AGAP1: variants seen among roughly 807,000 people sequenced by gnomAD.
The protein encoded by AGAP1 is arf-GAP with GTPase, ANK repeat and PH domain-containing protein 1.
AGAP1 carries 29 observed loss-of-function variants against 105.3 expected under a neutral mutation model. The observed-to-expected ratio is 0.28, with a 90% CI of 0.21 to 0.38. The LOEUF is 0.38. Ranked by LOEUF, AGAP1 falls within the 10% of genes least tolerant of loss-of-function variation. The pLI is 1.00. For missense variants in AGAP1, 998 were observed against 1,165.1 expected (o/e 0.86, Z 2.09); for synonymous variants, 509 against 485.9 (o/e 1.05, Z -0.63).
At position 235,700,436 on chromosome 2, in the gene AGAP1, C is replaced by T. The variant is rs1322688925; in HGVS notation, c.164-8743C>T. On this transcript the variant is annotated intron_variant, in intron 1 of 17. Coordinates refer to ENST00000304032, the MANE Select transcript of AGAP1 (RefSeq NM_001037131.3). The surrounding 1 kb of genome is among the most constrained non-coding windows in gnomAD (Gnocchi z 6.1). ...GTGCTTTACACACCCACGACAAGGGCGTTCTTGGGGAACACCGTGATTCTG... is the reference window on the plus strand; with the variant it reads ...GTGCTTTACACACCCACGACAAGGGTGTTCTTGGGGAACACCGTGATTCTG... 1.3e-5 allele frequency among the ~76,000 whole-genome samples: 2 copies of T among 152,142 alleles called. No homozygotes were observed. The highest frequency in any genetic ancestry group is 4.8e-5 in the African/African-American group (2 of 41,422).
At chr2:235,876,469 C>A (rs916448092) in intron 9 of AGAP1, among the ~76,000 whole-genome samples, 35 of 152,186 alleles carry the variant, frequency 2.3e-4, no homozygotes, top group African/African-American at 8.2e-4. Context: ...ATGGCTCCTC[C>A]CCAGCCACCC....
chr2:235,784,813 C>T (rs1252739106), intron 6 of AGAP1, among the ~76,000 whole-genome samples: 1 of 152,020 alleles, frequency 6.6e-6, no homozygotes, highest in Non-Finnish European at 1.5e-5. Flanking sequence ...GCAAAACTTC[C>T]CCAGAGGAAC....
intron 1 of AGAP1, among the ~76,000 whole-genome samples, chr2:235,602,787 C>T (rs570829751): frequency 2.0e-5 from 3 of 152,286 alleles, no homozygotes; most frequent in South Asian, 2.1e-4. Flanking sequence ...CTGCAACCTC[C>T]GCCTCCTGGG....
intron 12 of AGAP1, among the ~76,000 whole-genome samples, chr2:235,946,284 CTTTT>C (rs34759426): frequency 6.1e-5 from 7 of 114,024 alleles, no homozygotes; most frequent in East Asian, 4.8e-4. Flanking sequence ...GCTTTTTTTC[CTTTT>C]TTTTTTTTTT....
chr2:235,954,124 A>C (rs2053849741), intron 12 of AGAP1, among the ~76,000 whole-genome samples: 1 of 150,582 alleles, frequency 6.6e-6, no homozygotes, highest in Non-Finnish European at 1.5e-5. Flanking sequence ...CTGTAATCCC[A>C]GCTACTCGGG....
In AGAP1 at chr2:236,053,895, C is replaced by T. The variant is rs1023944015; in HGVS notation, c.2114+4614C>T. Reference sequence around the variant, plus strand: ...GGGAACCGAGTTTGCTGATTTAGTACGTATTCTTTTCCCTTTTTTAGCATC... The same window carrying T: ...GGGAACCGAGTTTGCTGATTTAGTATGTATTCTTTTCCCTTTTTTAGCATC... On this transcript the variant is annotated intron_variant, in intron 16 of 17. Coordinates refer to ENST00000304032, the MANE Select transcript of AGAP1 (RefSeq NM_001037131.3). This position sits in a 1 kb window ranked among gnomAD's most constrained non-coding sequence, Gnocchi z 4.6. 3.3e-5 allele frequency among the ~76,000 whole-genome samples: 5 copies of T among 152,244 alleles called. No homozygotes were observed. The highest frequency in any genetic ancestry group is 2.1e-4 in the South Asian group (1 of 4,834).
At chr2:235,764,110 G>T (rs575117281) in intron 6 of AGAP1, among the ~76,000 whole-genome samples, 1 of 152,340 alleles carries the variant, frequency 6.6e-6, no homozygotes, top group South Asian at 2.1e-4. Flanking sequence ...TTCCACGGCA[G>T]AAGTGCCATG....
intron 13 of AGAP1, among the ~76,000 whole-genome samples, chr2:236,018,507 CATT>C (rs2056784070): frequency 6.6e-6 from 1 of 152,224 alleles, no homozygotes; most frequent in Non-Finnish European, 1.5e-5. Flanking sequence ...AAACAGATGA[CATT>C]ATCATCCGCT....
At position 235,795,936 on chromosome 2, in the gene AGAP1, G is replaced by A. The variant is rs115606969; in HGVS notation, c.674-1823G>A. ...GCATTTGAAGTTTCATACAACAGTC[G>A]TTTCCATAACATATTTGACTTATCT... On this transcript the variant is annotated intron_variant, in intron 6 of 17. Transcript: ENST00000304032. Among the ~76,000 whole-genome samples, 1,038 of 152,268 alleles carry A rather than the reference G, an allele frequency of 6.8e-3. 16 individuals carry two copies. Among genetic ancestry groups the A allele is most frequent in the African/African-American group, 0.021 (863 of 41,550 alleles).
chr2:236,093,727 A>G (rs561685047), intron 16 of AGAP1, among the ~76,000 whole-genome samples: 3 of 152,254 alleles, frequency 2.0e-5, no homozygotes, highest in Non-Finnish European at 4.4e-5. Flanking sequence ...CCTGCCAGTC[A>G]TAATCATGAA....
chr2:236,047,598 C>CTTT (rs59007077), intron 15 of AGAP1, among the ~76,000 whole-genome samples: 1,330 of 68,302 alleles, frequency 0.019, 177 homozygotes, highest in African/African-American at 0.083. Flanking sequence ...TCTCACATTT[C>CTTT]TTTTTTTTTT....
chr2:235,711,833 C>T (rs1950873071), intron 2 of AGAP1, among the ~76,000 whole-genome samples: 1 of 152,158 alleles, frequency 6.6e-6, no homozygotes, highest in Non-Finnish European at 1.5e-5. Context: ...GGACAGGTGG[C>T]ACTTTAGGTC....
intron 9 of AGAP1, among the ~76,000 whole-genome samples, chr2:235,826,550 A>C (rs1959079125): frequency 1.3e-5 from 2 of 151,992 alleles, no homozygotes; most frequent in South Asian, 4.2e-4. Context: ...CCCAGGTTCA[A>C]GTGATTCTCC....
chr2:236,107,215 G>A lies in AGAP1; in HGVS notation c.2115-12977G>A, dbSNP rs1212996021. Among the ~76,000 whole-genome samples the A allele has an allele frequency of 2.0e-5, 3 of 152,156 alleles. No individual in the cohort carries two copies. In the East Asian group the frequency reaches 5.8e-4, roughly 30 times the overall value. On this transcript the variant is annotated intron_variant, in intron 16 of 17. Coordinates refer to ENST00000304032, the MANE Select transcript of AGAP1 (RefSeq NM_001037131.3). ...GAGGGAAAACTGAAGCCTGGGAGAG[G>A]GTGGCTGCCCAGGGCCCCACAGCCA...
At position 235,702,934 on chromosome 2, in the gene AGAP1, G is replaced by GTTTTTTTTTTTTCTTTTTTTTT. The variant is rs549844265; in HGVS notation, c.164-6233_164-6232insCTTTTTTTTTTTTTTTTTTTTT. On this transcript the variant is annotated intron_variant, in intron 1 of 17. Transcript: ENST00000304032. The stretch of plus-strand genomic sequence containing the variant: ...TGGTCACTGTGAGCCAGTTTTCTTG[G>GTTTTTTTTTTTTCTTTTTTTTT]TTTTTTTTTTTTGGACAGAGTCTGG... 2.2e-5 allele frequency among the ~76,000 whole-genome samples: 2 copies of GTTTTTTTTTTTTCTTTTTTTTT among 88,946 alleles called. 1 individual carries two copies. Among genetic ancestry groups the GTTTTTTTTTTTTCTTTTTTTTT allele is most frequent in the Non-Finnish European group, 4.4e-5 (2 of 45,458 alleles). 58.4% of individuals were successfully genotyped at this position (88,946 alleles called of 152,430 possible).
Position 235,797,893 on chromosome 2 carries a change from T to C in AGAP1, c.801+7T>C, listed in dbSNP as rs1957315345. ...TGCCGTGCACATCAGCCAGGTACGT[T>C]AGGTGACATGAGAAGTCAGACTCTT... is the stretch of plus-strand genomic sequence containing the variant. On this transcript the variant is annotated splice_region_variant and intron_variant, in intron 7 of 17. Transcript: ENST00000304032. The C allele has an allele frequency of 1.9e-6, 3 of 1,613,936 alleles. No individual in the cohort carries two copies. The highest frequency in any genetic ancestry group is 2.5e-6 in the Non-Finnish European group (3 of 1,180,016).
intron 3 of AGAP1, among the ~76,000 whole-genome samples, chr2:235,731,139 G>A (rs1311768649): frequency 6.6e-6 from 1 of 152,230 alleles, no homozygotes; most frequent in East Asian, 1.9e-4. Context: ...TTTGGTGGTG[G>A]TTGAGATGAC....
intron 1 of AGAP1, among the ~76,000 whole-genome samples, chr2:235,558,195 G>A (rs1944033777): frequency 6.6e-6 from 1 of 152,156 alleles, no homozygotes; most frequent in African/African-American, 2.4e-5. Flanking sequence ...GGTTCCGCAT[G>A]GGCTGTGTGT....
rs1418915272 is a variant in AGAP1, at chr2:235,965,237, C to T, written c.1484-3225C>T. On this transcript the variant is annotated intron_variant, in intron 12 of 17. Coordinates refer to ENST00000304032, the MANE Select transcript of AGAP1 (RefSeq NM_001037131.3). This position sits in a 1 kb window ranked among gnomAD's most constrained non-coding sequence, Gnocchi z 5.8. Reference sequence around the variant, plus strand: ...GTGCTGTTTCTTGGGAGCCGGCTGCCGGGAAGAGAGGGTCAGGTAGAGCCA... The same window carrying T: ...GTGCTGTTTCTTGGGAGCCGGCTGCTGGGAAGAGAGGGTCAGGTAGAGCCA... 2.6e-5 allele frequency among the ~76,000 whole-genome samples: 4 copies of T among 152,112 alleles called. No individual in the cohort carries two copies. The highest frequency in any genetic ancestry group is 4.4e-5 in the Non-Finnish European group (3 of 68,020).
Sources: allele counts gnomAD v4.1 joint callset (sites outside exome capture counted in the v4.1 genomes callset), GRCh38; gene constraint gnomAD v4.1.1; non-coding constraint Gnocchi (gnomAD v3.1); transcripts MANE v1.5; gene names NCBI Gene and HGNC (gene_info 2026-07-23, HGNC 2026-07-21).